Variants in CSMD1 observed in about 807,000 individuals in gnomAD.
CSMD1 encodes CUB and Sushi multiple domains 1.
CSMD1 carries 213 observed loss-of-function variants against 417.5 expected under a neutral mutation model. That is an observed-to-expected ratio of 0.51 (90% CI 0.46 to 0.57). The LOEUF is 0.57. CSMD1 is among the 20% of genes least tolerant of loss of function. The probability of loss-of-function intolerance (pLI) is 0.00; values close to 1 mark genes in which losing one functional copy is unlikely to be tolerated. For missense variants in CSMD1, 6,923 were observed against 4,529.7 expected, an observed-to-expected ratio of 1.53 and a Z score of -15.17; for synonymous variants, 2,862 against 1,736.8, an observed-to-expected ratio of 1.65 and a Z score of -16.11.
chr8:3,430,993 T>G (rs978257142), intron 12 of CSMD1, among the ~76,000 whole-genome samples: 1 of 152,152 alleles, frequency 6.6e-6, no homozygotes, highest in Non-Finnish European at 1.5e-5. Context: ...TCTGAGCCCT[T>G]AAATCTCTCT....
chr8:3,488,893 T>G (rs1351451652), intron 11 of CSMD1, among the ~76,000 whole-genome samples: 1 of 152,136 alleles, frequency 6.6e-6, no homozygotes, highest in African/African-American at 2.4e-5. Flanking sequence ...TTATTTCTAT[T>G]TGGTTTGATT....
chr8:3,257,931 A>T (rs1375960562), intron 26 of CSMD1, among the ~76,000 whole-genome samples: 7 of 152,132 alleles, frequency 4.6e-5, no homozygotes. Flanking sequence ...TAAAGAATTA[A>T]TGTAGCCACT....
At chr8:4,274,455 C>CAG (rs1246189624) in intron 3 of CSMD1, among the ~76,000 whole-genome samples, 1 of 152,150 alleles carries the variant, frequency 6.6e-6, no homozygotes, top group Non-Finnish European at 1.5e-5. Context: ...GATTAATCGT[C>CAG]AGCACAGTCG....
intron 5 of CSMD1, among the ~76,000 whole-genome samples, chr8:3,996,923 G>A (rs541609285): frequency 1.3e-5 from 2 of 152,206 alleles, no homozygotes; most frequent in East Asian, 3.9e-4. Flanking sequence ...TATGCTTCAT[G>A]TTTGACATGT....
chr8:4,967,485 T>G (rs929567077), intron 1 of CSMD1, among the ~76,000 whole-genome samples: 3 of 152,196 alleles, frequency 2.0e-5, no homozygotes, highest in Non-Finnish European at 4.4e-5. Flanking sequence ...AGGTGTTCTA[T>G]GTACACACTC....
intron 3 of CSMD1, among the ~76,000 whole-genome samples, chr8:4,132,798 T>C (rs1803190719): frequency 1.3e-5 from 2 of 152,178 alleles, no homozygotes; most frequent in East Asian, 1.9e-4. Context: ...TGTGTGTGAA[T>C]GTAAAGAAGA....
At chr8:3,540,444 G>C (rs973581800) in intron 10 of CSMD1, among the ~76,000 whole-genome samples, 1 of 152,064 alleles carries the variant, frequency 6.6e-6, no homozygotes, top group African/African-American at 2.4e-5. Context: ...ATAAAATCAA[G>C]GCAATACTAT....
intron 5 of CSMD1, among the ~76,000 whole-genome samples, chr8:3,922,772 A>G (rs1273168846): frequency 6.6e-6 from 1 of 152,190 alleles, no homozygotes; most frequent in East Asian, 1.9e-4. Flanking sequence ...TATTTTTAGT[A>G]CATTTGTCTG....
chr8:4,239,203 T>C (rs952052408), intron 3 of CSMD1, among the ~76,000 whole-genome samples: 1 of 152,216 alleles, frequency 6.6e-6, no homozygotes, highest in African/African-American at 2.4e-5. Flanking sequence ...AGAGATACAG[T>C]TGAGTCTCAC....
At chr8:3,758,041 G>T (rs972283347) in intron 5 of CSMD1, among the ~76,000 whole-genome samples, 4 of 151,400 alleles carry the variant, frequency 2.6e-5, no homozygotes, top group African/African-American at 4.8e-5. Flanking sequence ...TCAGCTCGCT[G>T]CAACCTCTGC....
At chr8:3,284,719 G>A (rs547000276) in intron 25 of CSMD1, 20 of 221,354 alleles carry the variant, frequency 9.0e-5, no homozygotes, top group Middle Eastern at 3.9e-3. Flanking sequence ...GAAGCAGATG[G>A]AAGGCAGCTT....
intron 1 of CSMD1, among the ~76,000 whole-genome samples, chr8:4,920,222 C>A (rs142136105): frequency 1.3e-5 from 2 of 152,220 alleles, no homozygotes; most frequent in African/African-American, 4.8e-5. Flanking sequence ...AGGATCTTCA[C>A]CCCCAAATCT....
chr8:4,184,714 G>C (rs1027692546), intron 3 of CSMD1, among the ~76,000 whole-genome samples: 1 of 152,144 alleles, frequency 6.6e-6, no homozygotes, highest in Non-Finnish European at 1.5e-5. Flanking sequence ...TGGGAGGAGG[G>C]AGGGGACCGT....
chr8:4,439,384 A>G (rs1411630543), intron 2 of CSMD1, among the ~76,000 whole-genome samples: 1 of 152,118 alleles, frequency 6.6e-6, no homozygotes, highest in African/African-American at 2.4e-5. Context: ...TTTGTGGGTT[A>G]CTAACTTATT....
chr8:4,068,915 A>G (rs964352962), intron 3 of CSMD1, among the ~76,000 whole-genome samples: 4 of 152,190 alleles, frequency 2.6e-5, no homozygotes, highest in African/African-American at 4.8e-5. Context: ...ACCAAATAAT[A>G]ATTATAATTT....
At chr8:3,637,897 C>T (rs1476663237) in intron 7 of CSMD1, among the ~76,000 whole-genome samples, 2 of 152,178 alleles carry the variant, frequency 1.3e-5, no homozygotes, top group African/African-American at 4.8e-5. Context: ...CAGAGCAGTT[C>T]CCCTGCCCAC....
chr8:4,875,894 A>C (rs1291216774), intron 1 of CSMD1, among the ~76,000 whole-genome samples: 1 of 152,092 alleles, frequency 6.6e-6, no homozygotes, highest in Non-Finnish European at 1.5e-5. Flanking sequence ...GTGAATATTT[A>C]ATTACTCAAA....
chr8:4,315,991 C>G (rs1409153776), intron 3 of CSMD1, among the ~76,000 whole-genome samples: 1 of 152,010 alleles, frequency 6.6e-6, no homozygotes, highest in Admixed American at 6.6e-5. Context: ...ATCTTTTATT[C>G]TTTTTTCTTT....
intron 2 of CSMD1, among the ~76,000 whole-genome samples, chr8:4,475,159 G>A (rs1295096609): frequency 6.6e-6 from 1 of 152,160 alleles, no homozygotes; most frequent in Non-Finnish European, 1.5e-5. Context: ...CAAGCCTATT[G>A]ATATGATTAT....
Sources: allele counts gnomAD v4.1 joint callset (sites outside exome capture counted in the v4.1 genomes callset), GRCh38; gene constraint gnomAD v4.1.1; transcripts MANE v1.5; gene names NCBI Gene and HGNC (gene_info 2026-07-23, HGNC 2026-07-21).